Variants in PPM1L observed in about 807,000 individuals in gnomAD.
The protein encoded by PPM1L is protein phosphatase 1L.
Under a neutral mutation model 31.4 loss-of-function variants are expected in PPM1L, and 13 were observed. The ratio of observed to expected loss-of-function variants is 0.41; its 90% CI spans 0.27 to 0.66. The LOEUF (loss-of-function observed/expected upper bound fraction) is 0.66, where lower values mean the gene tolerates loss of function less well. Ranked by LOEUF, PPM1L falls within the 30% of genes least tolerant of loss-of-function variation. The probability of loss-of-function intolerance (pLI) is 0.29; values close to 1 mark genes in which losing one functional copy is unlikely to be tolerated. For missense variants in PPM1L, 326 were observed against 453.7 expected, an observed-to-expected ratio of 0.72 and a Z score of 2.56; for synonymous variants, 184 against 175.4, an observed-to-expected ratio of 1.05 and a Z score of -0.39.
intron 1 of PPM1L, among the ~76,000 whole-genome samples, chr3:160,904,069 A>T (rs936499033): frequency 6.6e-6 from 1 of 152,140 alleles, no homozygotes. Flanking sequence ...GTTGATGTCA[A>T]GCAGGGGAAT....
chr3:160,892,670 AG>A (rs1713197642), intron 1 of PPM1L, among the ~76,000 whole-genome samples: 1 of 152,172 alleles, frequency 6.6e-6, no homozygotes, highest in South Asian at 2.1e-4. Flanking sequence ...AATATAAAAA[AG>A]AAAAAAAAAA....
chr3:160,762,703 T>C (rs546906388), intron 1 of PPM1L, among the ~76,000 whole-genome samples: 1 of 152,160 alleles, frequency 6.6e-6, no homozygotes, highest in Non-Finnish European at 1.5e-5. Flanking sequence ...TAGACAGCGA[T>C]TGGGTGGAGA....
chr3:160,877,018 G>A (rs1391447815), intron 1 of PPM1L, among the ~76,000 whole-genome samples: 2 of 152,154 alleles, frequency 1.3e-5, no homozygotes, highest in Non-Finnish European at 2.9e-5. Flanking sequence ...ACATTGCCAC[G>A]TTCTGGAGAG....
At chr3:160,946,507 C>A (rs1377699937) in intron 1 of PPM1L, among the ~76,000 whole-genome samples, 5 of 152,094 alleles carry the variant, frequency 3.3e-5, no homozygotes. Context: ...GGTGGAAAAA[C>A]CCCTGAAGAT....
chr3:160,895,731 C>G (rs897602815), intron 1 of PPM1L, among the ~76,000 whole-genome samples: 2 of 151,914 alleles, frequency 1.3e-5, no homozygotes, highest in Non-Finnish European at 2.9e-5. Flanking sequence ...CCTCAAACCC[C>G]CAATATCTGT....
At chr3:160,991,068 A>T (rs1271781062) in intron 2 of PPM1L, among the ~76,000 whole-genome samples, 1 of 144,064 alleles carries the variant, frequency 6.9e-6, no homozygotes, top group African/African-American at 2.6e-5. Context: ...TACTAATGAT[A>T]GCTGATGAGC....
At chr3:160,841,191 A>G (rs951110984) in intron 1 of PPM1L, among the ~76,000 whole-genome samples, 1 of 151,818 alleles carries the variant, frequency 6.6e-6, no homozygotes, top group Non-Finnish European at 1.5e-5. Flanking sequence ...TTATCTATAT[A>G]TATTTTCTCC....
intron 1 of PPM1L, among the ~76,000 whole-genome samples, chr3:160,774,021 T>C (rs979797004): frequency 2.0e-5 from 3 of 152,232 alleles, no homozygotes; most frequent in Non-Finnish European, 2.9e-5. Flanking sequence ...CCATCCTTTC[T>C]GAGCACAGGG....
intron 2 of PPM1L, among the ~76,000 whole-genome samples, chr3:161,006,538 A>T (rs560268685): frequency 2.6e-5 from 4 of 152,326 alleles, no homozygotes; most frequent in East Asian, 3.9e-4. Flanking sequence ...AGTTTTTTTT[A>T]AAGTAAACTG....
In PPM1L at chr3:160,889,769, C is replaced by G. The variant is rs1453235375; in HGVS notation, c.400-71967C>G. Among the ~76,000 whole-genome samples the G allele has an allele frequency of 2.0e-5, 3 of 152,182 alleles. No homozygotes were observed. In the East Asian group the frequency reaches 5.8e-4, roughly 29 times the overall value. On this transcript the variant is annotated intron_variant, in intron 1 of 3. Coordinates refer to ENST00000498165, the MANE Select transcript of PPM1L (RefSeq NM_139245.4). ...AAATCCTCAATAAAATACTGGCAAA[C>G]TGAGTTCAGTAGCATATCAAAAAAC...
chr3:160,913,896 C>CAA (rs1230648240), intron 1 of PPM1L, among the ~76,000 whole-genome samples: 1 of 152,086 alleles, frequency 6.6e-6, no homozygotes, highest in Non-Finnish European at 1.5e-5. Flanking sequence ...TTTGAGTACT[C>CAA]AAATATGTAC....
intron 1 of PPM1L, among the ~76,000 whole-genome samples, chr3:160,907,465 A>G (rs978591817): frequency 1.3e-5 from 2 of 152,156 alleles, no homozygotes. Context: ...TTAAAAATTT[A>G]TGTGCATACA....
intron 2 of PPM1L, among the ~76,000 whole-genome samples, chr3:160,994,578 T>G (rs552163511): frequency 1.3e-5 from 2 of 152,264 alleles, no homozygotes; most frequent in East Asian, 3.9e-4. Context: ...TACATTCAGG[T>G]GCATCTGCCC....
chr3:160,809,785 A>G (rs1358376333), intron 1 of PPM1L, among the ~76,000 whole-genome samples: 1 of 151,594 alleles, frequency 6.6e-6, no homozygotes, highest in African/African-American at 2.4e-5. Context: ...AATGTTATTT[A>G]CTCCATCCTG....
At chr3:160,776,241 A>C (rs988658973) in intron 1 of PPM1L, among the ~76,000 whole-genome samples, 2 of 152,136 alleles carry the variant, frequency 1.3e-5, no homozygotes, top group Non-Finnish European at 2.9e-5. Context: ...AATTAGAGTA[A>C]CTGAGTTCTT....
At chr3:160,946,076 T>G (rs1169232958) in intron 1 of PPM1L, among the ~76,000 whole-genome samples, 1 of 152,142 alleles carries the variant, frequency 6.6e-6, no homozygotes, top group Non-Finnish European at 1.5e-5. Flanking sequence ...AAGGGTCAAC[T>G]GTATGTATGT....
At chr3:160,988,973 C>G (rs1451225355) in intron 2 of PPM1L, among the ~76,000 whole-genome samples, 1 of 151,942 alleles carries the variant, frequency 6.6e-6, no homozygotes, top group Non-Finnish European at 1.5e-5. Flanking sequence ...TTCATGCCTT[C>G]AAAGAGATCA....
In PPM1L at chr3:160,928,425, T is replaced by G. The variant is rs1433390639; in HGVS notation, c.400-33311T>G. 2.0e-5 allele frequency among the ~76,000 whole-genome samples: 3 copies of G among 152,288 alleles called. No individual in the cohort carries two copies. In the East Asian group the frequency reaches 5.8e-4, roughly 29 times the overall value. On this transcript the variant is annotated intron_variant, in intron 1 of 3. Coordinates refer to ENST00000498165, the MANE Select transcript of PPM1L (RefSeq NM_139245.4). ...AACAGGGCCAACTAGAGTCTTCCTG[T>G]GGGATTTTTCAATGCCATCCTGACA...
rs559608729 is a variant in PPM1L, at chr3:160,930,678, G to A, written c.400-31058G>A. Among the ~76,000 whole-genome samples the A allele has an allele frequency of 3.3e-5, 5 of 152,302 alleles. No individual in the cohort carries two copies. In the East Asian group the frequency reaches 9.6e-4, roughly 29 times the overall value. On this transcript the variant is annotated intron_variant, in intron 1 of 3. Coordinates refer to ENST00000498165, the MANE Select transcript of PPM1L (RefSeq NM_139245.4). ...ACCATCTCAAAATTTTAGGCGGAGT[G>A]AAGGAGTTTAAGAGGGAAGCTTCGT...
Sources: allele counts gnomAD v4.1 joint callset (sites outside exome capture counted in the v4.1 genomes callset), GRCh38; gene constraint gnomAD v4.1.1; transcripts MANE v1.5; gene names NCBI Gene and HGNC (gene_info 2026-07-23, HGNC 2026-07-21).